Variants in SPTB observed in about 807,000 individuals in gnomAD.
SPTB encodes spectrin beta chain, erythrocytic.
Under a neutral mutation model 256.2 loss-of-function variants are expected in SPTB, and 45 were observed. The ratio of observed to expected loss-of-function variants is 0.18; its 90% CI spans 0.14 to 0.23. The LOEUF (loss-of-function observed/expected upper bound fraction) is 0.23. Ranked by LOEUF, SPTB falls within the 10% of genes least tolerant of loss-of-function variation. The pLI is 1.00. For synonymous variants in SPTB, 1,231 were observed against 1,243.1 expected, an observed-to-expected ratio of 0.99 and a Z score of 0.21; for missense variants, 2,715 against 3,040.4, an observed-to-expected ratio of 0.89 and a Z score of 2.52.
intron 32 of SPTB, chr14:64,757,583 G>C (rs2082033359): frequency 6.6e-6 from 1 of 152,304 alleles, no homozygotes; most frequent in Non-Finnish European, 1.5e-5. Context: ...TGAAGGCCAA[G>C]GCCAAGAATG....
chr14:64,771,761 C>T (rs919711992), intron 26 of SPTB, among the ~76,000 whole-genome samples: 2 of 152,170 alleles, frequency 1.3e-5, no homozygotes, highest in African/African-American at 4.8e-5. Context: ...GCAACAGCCA[C>T]ACACCAGGCC....
At chr14:64,797,420 T>C (rs1566768500) in intron 10 of SPTB, among the ~76,000 whole-genome samples, 1 of 136,456 alleles carries the variant, frequency 7.3e-6, no homozygotes, top group African/African-American at 2.9e-5. Context: ...TGAGCTGTGA[T>C]TGTGCCAATG....
chr14:64,793,628 G>A lies in SPTB; in HGVS notation c.2035C>T (p.His679Tyr). 6.2e-7 allele frequency: 1 copy of A among 1,614,202 alleles called. No homozygotes were observed. Among genetic ancestry groups the A allele is most frequent in the Non-Finnish European group, 8.5e-7 (1 of 1,180,056 alleles). ...LTSVLILQRK[H>Y]KAFEDELRGL... ...CGGAGCTCATCCTCAAAGGCCTTGT[G>A]CTTGCGCTGTAAGATGAGCACACTG... Residue 679 changes from histidine (H) to tyrosine (Y), a missense_variant, in exon 14 of 36, where the codon CAC (histidine) becomes TAC (tyrosine). By Grantham distance (83) the His-to-Tyr change is moderately conservative. Coordinates refer to ENST00000644917, the MANE Select transcript of SPTB (RefSeq NM_001355436.2). This position sits in a 1 kb window ranked among gnomAD's most constrained non-coding sequence, Gnocchi z 7.0.
Position 64,779,682 on chromosome 14 carries a change from T to A in SPTB, c.4473+43A>T, listed in dbSNP as rs1385533554. The A allele has an allele frequency of 6.2e-6, 10 of 1,612,062 alleles. No individual in the cohort carries two copies. Among genetic ancestry groups the A allele is most frequent in the Non-Finnish European group, 6.8e-6 (8 of 1,178,406 alleles). On this transcript the variant is annotated intron_variant, in intron 21 of 35. Transcript: ENST00000644917. The surrounding 1 kb of genome is among the most constrained non-coding windows in gnomAD (Gnocchi z 4.2). ...AGCCAGCTACTCTGATGGCAGCTGG[T>A]GGCTCAGCCTCAGGAGGTAGGGAGA... is the stretch of plus-strand genomic sequence containing the variant.
chr14:64,873,606 G>A lies in SPTB; in HGVS notation c.-52+6186C>T, dbSNP rs768184663. On this transcript the variant is annotated intron_variant, in intron 1 of 35. Transcript: ENST00000644917. The surrounding 1 kb of genome is among the most constrained non-coding windows in gnomAD (Gnocchi z 4.3). ...GCCATTCTTGAGGTTCTGTGGCTAT[G>A]GTAAAGGGTAATACCATTAACAAGT... Among the ~76,000 whole-genome samples the A allele has an allele frequency of 3.3e-5, 5 of 152,092 alleles. No individual in the cohort carries two copies. Among genetic ancestry groups the A allele is most frequent in the African/African-American group, 1.2e-4 (5 of 41,408 alleles).
chr14:64,769,219 C>T (rs540590485), intron 28 of SPTB, 101 bp from the exon 29 acceptor site: 21 of 1,181,382 alleles, frequency 1.8e-5, no homozygotes, highest in Non-Finnish European at 2.4e-5. Flanking sequence ...TTTGGTCCTA[C>T]AGCCCTGGCT....
chr14:64,763,635 AATCACGCAGG>A, intron 32 of SPTB: 1 of 477,936 alleles, frequency 2.1e-6, no homozygotes, highest in Non-Finnish European at 4.3e-6. Context: ...TTTTATCTCA[AATCACGCAGG>A]AAGTTACCAA....
At chr14:64,751,927 CAAAAA>C (rs374561563) in intron 33 of SPTB, among the ~76,000 whole-genome samples, 1 of 71,940 alleles carries the variant, frequency 1.4e-5, no homozygotes, top group African/African-American at 5.7e-5. Context: ...ACTAAAAATG[CAAAAA>C]AAAAAAAAAA....
At chr14:64,870,756 T>C (rs1021502549) in intron 1 of SPTB, among the ~76,000 whole-genome samples, 1 of 152,242 alleles carries the variant, frequency 6.6e-6, no homozygotes, top group Non-Finnish European at 1.5e-5. Context: ...AGAATTACTA[T>C]GTGATCCAGC....
chr14:64,783,688 T>C (rs1048649404), intron 19 of SPTB, among the ~76,000 whole-genome samples: 1 of 152,328 alleles, frequency 6.6e-6, no homozygotes, highest in South Asian at 2.1e-4. Context: ...TGCTTTTTCA[T>C]GGACAGCCAT....
chr14:64,754,135 C>A (rs779103867), intron 32 of SPTB: 12 of 424,486 alleles, frequency 2.8e-5, no homozygotes, highest in Non-Finnish European at 4.0e-5. Flanking sequence ...TGAGGGGGGG[C>A]AGGTTCCAAT....
At position 64,796,191 on chromosome 14, in the gene SPTB, C is replaced by T. The variant is rs75851540; in HGVS notation, c.1341+366G>A. On this transcript the variant is annotated intron_variant, in intron 11 of 35. Coordinates refer to ENST00000644917, the MANE Select transcript of SPTB (RefSeq NM_001355436.2). This position sits in a 1 kb window ranked among gnomAD's most constrained non-coding sequence, Gnocchi z 4.1. ...TCTTAGCTAGAATTATGTCACAGCA[C>T]CAGAGACCAGAGTCCAAAAGGCATG... Among the ~76,000 whole-genome samples the T allele has an allele frequency of 0.059, 8,952 of 152,206 alleles. 334 individuals are homozygous for T. The highest frequency in any genetic ancestry group is 0.091 in the Non-Finnish European group (6,185 of 67,992).
At position 64,796,668 on chromosome 14, in the gene SPTB, C is replaced by T; in HGVS notation, c.1230G>A (p.Leu410=). 1 of 1,614,206 alleles carries T rather than the reference C, an allele frequency of 6.2e-7. No individual in the cohort carries two copies. The highest frequency in any genetic ancestry group is 8.5e-7 in the Non-Finnish European group (1 of 1,180,040). Residue 410 remains leucine, a synonymous_variant, in exon 11 of 36, where the codon CTG becomes CTA. Coordinates refer to ENST00000644917, the MANE Select transcript of SPTB (RefSeq NM_001355436.2). This position sits in a 1 kb window ranked among gnomAD's most constrained non-coding sequence, Gnocchi z 4.1. ...TCTCCTGCCGAATGAGCTCATTTCT[C>T]AGGGCCAGCTCCCGCCGATACTCAG... is the stretch of plus-strand genomic sequence containing the variant. ...EEAEYRRELA[L]RNELIRQEKL...
chr14:64,772,595 G>A lies in SPTB; in HGVS notation c.5538C>T (p.His1846=). 6.2e-7 allele frequency: 1 copy of A among 1,608,786 alleles called. No individual in the cohort carries two copies. ...RVHTAFEREL[H]LLGVQVQQFQ... The stretch of plus-strand genomic sequence containing the variant: ...CTGAAGGTACCTGGACACCCAGCAG[G>A]TGGAGCTCCCGCTCGAAGGCTGTGT... Residue 1846 remains histidine (H), a synonymous_variant, in exon 26 of 36, where the codon CAC becomes CAT. Coordinates refer to ENST00000644917, the MANE Select transcript of SPTB (RefSeq NM_001355436.2). The surrounding 1 kb of genome is among the most constrained non-coding windows in gnomAD (Gnocchi z 5.4).
chr14:64,794,374 T>C, intron 13 of SPTB, 93 bp downstream of exon 13: 1 of 1,516,570 alleles, frequency 6.6e-7, no homozygotes, highest in Non-Finnish European at 9.1e-7. Context: ...ACTTTAAAGT[T>C]GGTTCCAGGA....
In SPTB at chr14:64,749,045, G is replaced by C. The variant is rs914124623; in HGVS notation, c.*261C>G. 1.2e-5 allele frequency: 5 copies of C among 407,424 alleles called. No homozygotes were observed. In the East Asian group the frequency reaches 2.8e-4, roughly 23 times the overall value. 25.2% of individuals were successfully genotyped at this position (407,424 alleles called of 1,614,324 possible). On this transcript the variant is annotated 3_prime_UTR_variant, in exon 36 of 36. Transcript: ENST00000644917. The surrounding 1 kb of genome is among the most constrained non-coding windows in gnomAD (Gnocchi z 4.7). ...TCAGAGAACCGTTTCCTGCCCCCAGGCCTGGAGGCCCCAAAGGCGCCAGAG... is the reference window on the plus strand; with the variant it reads ...TCAGAGAACCGTTTCCTGCCCCCAGCCCTGGAGGCCCCAAAGGCGCCAGAG...
chr14:64,776,922 T>C (rs1339984663), intron 22 of SPTB, among the ~76,000 whole-genome samples: 1 of 152,222 alleles, frequency 6.6e-6, no homozygotes, highest in Non-Finnish European at 1.5e-5. Context: ...TGAAAATCCC[T>C]GCACTTTAAA....
rs17245552 is a variant in SPTB at position 64,782,334 on chromosome 14, C to G, written c.4222G>C (p.Gly1408Arg). 0.063 allele frequency: 100,892 copies of G among 1,614,122 alleles called. 3,983 individuals are homozygous for G. Among genetic ancestry groups the G allele is most frequent in the East Asian group, 0.2 (9,046 of 44,870 alleles). ...MEDQLRSDDP[G>R]KDLTSVNRML... is the part of the protein sequence containing the mutation. ...CGATTGACACTGGTCAGGTCCTTGCCCGGGTCGTCTGACCGCAGCTGGTCC... is the reference window on the plus strand; with the variant it reads ...CGATTGACACTGGTCAGGTCCTTGCGCGGGTCGTCTGACCGCAGCTGGTCC... The change falls in exon 20 of 36, where the codon GGC (glycine) becomes CGC (arginine). Residue 1408 changes from glycine (G) to arginine (R), a missense_variant. By Grantham distance (125) the Gly-to-Arg change is moderately radical. Transcript: ENST00000644917.
chr14:64,819,329 G>A (rs1214544118), intron 2 of SPTB, among the ~76,000 whole-genome samples: 1 of 152,176 alleles, frequency 6.6e-6, no homozygotes, highest in Non-Finnish European at 1.5e-5. Flanking sequence ...GAGTTGAGAG[G>A]AATTTTACTT....
Sources: gnomAD v4.1 joint callset for allele counts (sites outside exome capture counted in the v4.1 genomes callset) on GRCh38, gnomAD v4.1.1 for gene constraint, Gnocchi (gnomAD v3.1) non-coding constraint, MANE v1.5 for transcripts, NCBI Gene and HGNC (gene_info 2026-07-23, HGNC 2026-07-21) for gene names.